Variants in PTPRN2 observed in about 807,000 individuals in gnomAD.
PTPRN2 encodes protein tyrosine phosphatase receptor type N2.
Under a neutral mutation model 118.8 loss-of-function variants are expected in PTPRN2, and 74 were observed. That is an observed-to-expected ratio of 0.62 (90% confidence interval 0.52 to 0.76). The LOEUF (loss-of-function observed/expected upper bound fraction) is 0.76. Among genes scored for constraint, PTPRN2 ranks in the 30% least tolerant of loss-of-function variants. The probability of loss-of-function intolerance (pLI) is 0.00; values close to 1 mark genes in which losing one functional copy is unlikely to be tolerated. For missense variants in PTPRN2, 1,481 were observed against 1,394.4 expected (o/e 1.06, Z -0.99); for synonymous variants, 641 against 608.0 (o/e 1.05, Z -0.80).
At chr7:158,468,372 T>C (rs1457624690) in intron 2 of PTPRN2, among the ~76,000 whole-genome samples, 3 of 152,210 alleles carry the variant, frequency 2.0e-5, no homozygotes, top group African/African-American at 7.2e-5. Flanking sequence ...GAGGGTTTCA[T>C]CAGGATCGTC....
rs186721766 is a variant in PTPRN2, at chr7:158,188,243, G to A, written c.549+4084C>T. Among the ~76,000 whole-genome samples, 7 of 13,146 alleles carry A rather than the reference G, an allele frequency of 5.3e-4. 1 individual carries two copies. The East Asian group carries it at 0.011, about 21-fold the overall frequency. The allele number at this position is 13,146 out of a possible 152,430, so 8.6% of individuals were successfully genotyped here. Reference sequence around the variant, plus strand: ...TGGGGAAGGCCGCCACGCTTGCCCCGCGATGGGGAAGGCCGCCACGCTCGC... The same window carrying A: ...TGGGGAAGGCCGCCACGCTTGCCCCACGATGGGGAAGGCCGCCACGCTCGC... On this transcript the variant is annotated intron_variant, in intron 5 of 22. Transcript: ENST00000389418.
chr7:158,377,744 G>C (rs1448797555), intron 2 of PTPRN2, among the ~76,000 whole-genome samples: 3 of 152,210 alleles, frequency 2.0e-5, no homozygotes, highest in East Asian at 3.8e-4. Flanking sequence ...CGCAGCTGGA[G>C]AGCTGACTTT....
At chr7:158,324,140 C>A (rs1190205051) in intron 2 of PTPRN2, among the ~76,000 whole-genome samples, 2 of 152,156 alleles carry the variant, frequency 1.3e-5, no homozygotes, top group Admixed American at 1.3e-4. Context: ...CACACGCCCA[C>A]ACGCGTACGC....
chr7:158,465,343 T>C (rs1395052235), intron 2 of PTPRN2, among the ~76,000 whole-genome samples: 1 of 152,238 alleles, frequency 6.6e-6, no homozygotes, highest in Non-Finnish European at 1.5e-5. Flanking sequence ...AAATGCTTTC[T>C]TGGTTCTTCA....
intron 11 of PTPRN2, among the ~76,000 whole-genome samples, chr7:158,077,519 C>T (rs1321002981): frequency 4.1e-5 from 5 of 120,900 alleles, no homozygotes; most frequent in Non-Finnish European, 8.5e-5. Flanking sequence ...CCATGAGCCT[C>T]ACCCCACCAT....
At chr7:157,849,699 C>G (rs1809129371) in intron 12 of PTPRN2, among the ~76,000 whole-genome samples, 1 of 152,200 alleles carries the variant, frequency 6.6e-6, no homozygotes, top group East Asian at 1.9e-4. Flanking sequence ...GGAACCACAT[C>G]AGCCTAGGAT....
At chr7:158,569,931 G>A (rs942933365) in intron 1 of PTPRN2, among the ~76,000 whole-genome samples, 1 of 152,026 alleles carries the variant, frequency 6.6e-6, no homozygotes, top group Non-Finnish European at 1.5e-5. Context: ...AGCGCGGGGC[G>A]GCGCCCTCCC....
intron 12 of PTPRN2, among the ~76,000 whole-genome samples, chr7:157,866,365 C>G (rs1422871796): frequency 1.3e-5 from 2 of 152,122 alleles, no homozygotes; most frequent in African/African-American, 4.8e-5. Flanking sequence ...TATAAGCACA[C>G]ACATACACAT....
At chr7:158,303,807 G>A (rs12667062) in intron 3 of PTPRN2, among the ~76,000 whole-genome samples, 36,190 of 152,252 alleles carry the variant, frequency 0.24, 5,007 homozygotes, top group East Asian at 0.41. Flanking sequence ...AGGCTCCCAA[G>A]TTATTTTAAT....
intron 1 of PTPRN2, among the ~76,000 whole-genome samples, chr7:158,501,786 G>A (rs1279009152): frequency 6.6e-6 from 1 of 152,170 alleles, no homozygotes; most frequent in African/African-American, 2.4e-5. Context: ...TATTTATTGA[G>A]GATATGTTGA....
intron 12 of PTPRN2, among the ~76,000 whole-genome samples, chr7:157,818,345 G>T (rs935048676): frequency 1.3e-5 from 2 of 152,170 alleles, no homozygotes; most frequent in African/African-American, 2.4e-5. Context: ...CAGATGGGTG[G>T]TTTTTTCTAA....
intron 3 of PTPRN2, among the ~76,000 whole-genome samples, chr7:158,276,237 A>AC (rs1381289485): frequency 1.1e-3 from 40 of 37,002 alleles, no homozygotes; most frequent in African/African-American, 2.5e-3. Flanking sequence ...GCACCCCCAC[A>AC]TCCCGGTCCT....
chr7:158,512,543 C>T (rs1465061657), intron 1 of PTPRN2, among the ~76,000 whole-genome samples: 1 of 152,176 alleles, frequency 6.6e-6, no homozygotes, highest in African/African-American at 2.4e-5. Flanking sequence ...CATGCACACA[C>T]TCACACACAT....
rs1416648229 is a variant in PTPRN2 at position 158,438,058 on chromosome 7, A to T, written c.163+51677T>A. Among the ~76,000 whole-genome samples, 1 of 152,122 alleles carries T rather than the reference A, an allele frequency of 6.6e-6. No homozygotes were observed. Among genetic ancestry groups the T allele is most frequent in the Non-Finnish European group, 1.5e-5 (1 of 68,006 alleles). On this transcript the variant is annotated intron_variant, in intron 2 of 22. Transcript: ENST00000389418. The surrounding 1 kb of genome is among the most constrained non-coding windows in gnomAD (Gnocchi z 4.7). ...GCAGCCCGCAGGGAGTGGGCTCCCT[A>T]ACAGTGCCCCTCCGATGGGTCTTTT...
rs374605393 is a variant in PTPRN2, at chr7:158,306,591, A to T, written c.277+10228T>A. Among the ~76,000 whole-genome samples the T allele has an allele frequency of 4.6e-5, 7 of 152,310 alleles. 1 individual carries two copies. In the South Asian group the frequency reaches 1.5e-3, roughly 32 times the overall value. On this transcript the variant is annotated intron_variant, in intron 3 of 22. Transcript: ENST00000389418. ...GGCCACACATGATGAAAAAACACAA[A>T]CTTTACAGAATTAGTTCAGAATAGT...
chr7:157,992,973 C>T lies in PTPRN2; in HGVS notation c.1723+88325G>A, dbSNP rs141323591. ...TCCCAGTGGGGAGCTGTGGTTTGGGCGCCTGAGCCTGGAGCCCCCGTCTTA... is the reference window on the plus strand; with the variant it reads ...TCCCAGTGGGGAGCTGTGGTTTGGGTGCCTGAGCCTGGAGCCCCCGTCTTA... On this transcript the variant is annotated intron_variant, in intron 11 of 22. Coordinates refer to ENST00000389418, the MANE Select transcript of PTPRN2 (RefSeq NM_002847.5). Among the ~76,000 whole-genome samples the T allele has an allele frequency of 4.2e-3, 645 of 152,342 alleles. 5 individuals carry two copies. Among genetic ancestry groups the T allele is most frequent in the African/African-American group, 0.015 (613 of 41,582 alleles).
intron 2 of PTPRN2, among the ~76,000 whole-genome samples, chr7:158,332,015 C>A (rs4909181): frequency 0.22 from 31,008 of 140,994 alleles, 4,340 homozygotes; most frequent in Middle Eastern, 0.31. Context: ...AGCTGACAAC[C>A]GCAAACGTCA....
intron 12 of PTPRN2, among the ~76,000 whole-genome samples, chr7:157,692,013 C>T (rs1797526811): frequency 6.6e-6 from 1 of 152,216 alleles, no homozygotes; most frequent in Non-Finnish European, 1.5e-5. Flanking sequence ...ATGCGCTCTC[C>T]GAGGCCCACA....
At chr7:158,053,886 G>A (rs1383390515) in intron 11 of PTPRN2, among the ~76,000 whole-genome samples, 1 of 150,640 alleles carries the variant, frequency 6.6e-6, no homozygotes, top group Non-Finnish European at 1.5e-5. Flanking sequence ...GAGATGCAGA[G>A]ACCCCAGAGA....
Sources: gnomAD v4.1 joint callset for allele counts (sites outside exome capture counted in the v4.1 genomes callset) on GRCh38, gnomAD v4.1.1 for gene constraint, Gnocchi (gnomAD v3.1) non-coding constraint, MANE v1.5 for transcripts, NCBI Gene and HGNC (gene_info 2026-07-23, HGNC 2026-07-21) for gene names.